GPR19: variants seen among roughly 807,000 people sequenced by gnomAD.
GPR19 encodes the protein probable G protein-coupled receptor 19.
Under a neutral mutation model 28.5 loss-of-function variants are expected in GPR19, and 14 were observed. The observed-to-expected ratio is 0.49, with a 90% confidence interval of 0.32 to 0.77. GPR19 has a LOEUF of 0.77. Among genes scored for constraint, GPR19 ranks in the 30% least tolerant of loss-of-function variants. GPR19 has a pLI of 0.03. For missense variants in GPR19, 409 were observed against 504.1 expected, an observed-to-expected ratio of 0.81 and a Z score of 1.81; for synonymous variants, 173 against 184.1, an observed-to-expected ratio of 0.94 and a Z score of 0.49.
intron 2 of GPR19, among the ~76,000 whole-genome samples, chr12:12,686,270 C>T (rs781321065): frequency 1.3e-5 from 2 of 152,226 alleles, no homozygotes; most frequent in Non-Finnish European, 2.9e-5. Flanking sequence ...AAGGTCCTTC[C>T]TGGATCAACA....
At chr12:12,669,463 G>A (rs949463995) in intron 3 of GPR19, among the ~76,000 whole-genome samples, 3 of 152,132 alleles carry the variant, frequency 2.0e-5, no homozygotes, top group Admixed American at 6.6e-5. Flanking sequence ...ACCACGGTAC[G>A]GAGATTTTAA....
rs117200912 is a variant in GPR19 at position 12,669,859 on chromosome 12, G to A, written c.-22-7389C>T. On this transcript the variant is annotated intron_variant, in intron 3 of 3. Transcript: ENST00000651487. Reference sequence around the variant, plus strand: ...CTGAAGCTTCCTAACTGACTCTCTTGCTGTGTGGCCTTGAGATAAAGACTC... The same window carrying A: ...CTGAAGCTTCCTAACTGACTCTCTTACTGTGTGGCCTTGAGATAAAGACTC... Among the ~76,000 whole-genome samples, 69 of 152,238 alleles carry A rather than the reference G, an allele frequency of 4.5e-4. No homozygotes were observed. In the East Asian group the frequency reaches 0.011, roughly 24 times the overall value.
chr12:12,705,750 A>G, the GPR19 span, among the ~76,000 whole-genome samples: 5 of 151,946 alleles, frequency 3.3e-5, no homozygotes, highest in Non-Finnish European at 7.4e-5. Flanking sequence ...GGGTTTCACT[A>G]TGTTGCCCAG....
the GPR19 span, among the ~76,000 whole-genome samples, chr12:12,707,766 T>C: frequency 6.6e-6 from 1 of 152,090 alleles, no homozygotes; most frequent in Non-Finnish European, 1.5e-5. Context: ...TCGCCCAGGC[T>C]GGAGTGCAGT....
At chr12:12,716,626 A>G in the GPR19 span, 1 of 272,768 alleles carries the variant, frequency 3.7e-6, no homozygotes, top group African/African-American at 3.1e-5. Context: ...TTTTTTTTTT[A>G]ATCTTGAGTT....
chr12:12,711,817 C>T, the GPR19 span, among the ~76,000 whole-genome samples: 3 of 152,152 alleles, frequency 2.0e-5, no homozygotes, highest in African/African-American at 7.2e-5. Flanking sequence ...ATTCGTCCTC[C>T]CTTTCTCCAT....
chr12:12,708,650 G>C, the GPR19 span, among the ~76,000 whole-genome samples: 4 of 123,512 alleles, frequency 3.2e-5, no homozygotes, highest in African/African-American at 1.1e-4. Context: ...GGAACACTCA[G>C]TTCTCTATTT....
At chr12:12,717,148 A>G in the GPR19 span, 1 of 1,029,202 alleles carries the variant, frequency 9.7e-7, no homozygotes, top group Non-Finnish European at 1.2e-6. Context: ...GGCCAGCCAG[A>G]GCAGGTTTGT....
At chr12:12,703,411 G>A in the GPR19 span, 1 of 985,384 alleles carries the variant, frequency 1.0e-6, no homozygotes, top group Non-Finnish European at 1.2e-6. Flanking sequence ...CTTAGCCATA[G>A]GACATGAAAA....
At chr12:12,693,714 G>A (rs1682149797) in intron 2 of GPR19, among the ~76,000 whole-genome samples, 1 of 152,128 alleles carries the variant, frequency 6.6e-6, no homozygotes, top group African/African-American at 2.4e-5. Flanking sequence ...CTCCAAACGT[G>A]TTTTCCAAAA....
the GPR19 span, among the ~76,000 whole-genome samples, chr12:12,714,478 C>G: frequency 1.3e-5 from 2 of 152,152 alleles, no homozygotes; most frequent in South Asian, 4.1e-4. Flanking sequence ...TGGTCTTTGC[C>G]TCTCTCCTCA....
upstream of GPR19, chr12:12,696,323 T>C (rs1010834456): frequency 2.1e-5 from 3 of 142,496 alleles, no homozygotes; most frequent in African/African-American, 7.8e-5. Flanking sequence ...TCCGTGGCGT[T>C]GAGATCCCAC....
intron 3 of GPR19, among the ~76,000 whole-genome samples, chr12:12,677,488 G>A (rs551713276): frequency 6.6e-5 from 10 of 151,978 alleles, no homozygotes; most frequent in African/African-American, 2.4e-4. Flanking sequence ...TGTTGGCCAG[G>A]TTGGTCTTGA....
At position 12,666,536 on chromosome 12, in the gene GPR19, G is replaced by A. The variant is rs1945781814; in HGVS notation, c.-22-4066C>T. 4.6e-5 allele frequency among the ~76,000 whole-genome samples: 7 copies of A among 152,250 alleles called. No homozygotes were observed. In the South Asian group the frequency reaches 1.5e-3, roughly 32 times the overall value. ...GGTGTCGGATGTTTCAAAGTTCCCA[G>A]GTGATCCTGAGTGTAGCCAAGATTA... On this transcript the variant is annotated intron_variant, in intron 3 of 3. Transcript: ENST00000651487.
chr12:12,716,364 G>T, the GPR19 span, among the ~76,000 whole-genome samples: 1 of 152,200 alleles, frequency 6.6e-6, no homozygotes, highest in Non-Finnish European at 1.5e-5. Context: ...TCTGGTGAGA[G>T]AGAAGGGTGG....
At chr12:12,709,350 C>G in the GPR19 span, among the ~76,000 whole-genome samples, 3 of 152,152 alleles carry the variant, frequency 2.0e-5, no homozygotes, top group Non-Finnish European at 4.4e-5. Flanking sequence ...TATGTGGTCT[C>G]TCTTCTCTGC....
intron 3 of GPR19, among the ~76,000 whole-genome samples, chr12:12,668,331 TG>T (rs1470606236): frequency 6.6e-6 from 1 of 152,184 alleles, no homozygotes; most frequent in Non-Finnish European, 1.5e-5. Context: ...ATTCAATATT[TG>T]TAAAAGTCAT....
chr12:12,710,354 CAAA>C, the GPR19 span, among the ~76,000 whole-genome samples: 1 of 132,922 alleles, frequency 7.5e-6, no homozygotes, highest in Non-Finnish European at 1.6e-5. Flanking sequence ...GCTCCATCTC[CAAA>C]AAAAAAAAAA....
intron 2 of GPR19, among the ~76,000 whole-genome samples, chr12:12,686,576 C>T (rs1718274715): frequency 6.6e-6 from 1 of 152,160 alleles, no homozygotes; most frequent in Non-Finnish European, 1.5e-5. Flanking sequence ...AAGATGAGTA[C>T]TATTACTGGC....
Sources: allele counts gnomAD v4.1 joint callset (sites outside exome capture counted in the v4.1 genomes callset), GRCh38; gene constraint gnomAD v4.1.1; transcripts MANE v1.5; gene names NCBI Gene and HGNC (gene_info 2026-07-23, HGNC 2026-07-21).